The following SH3GL2 variants were observed in gnomAD, a reference collection of about 807,000 sequenced individuals.
SH3GL2 encodes SH3 domain containing GRB2 like 2, endophilin A1.
Under a neutral mutation model 46.0 loss-of-function variants are expected in SH3GL2, and 24 were observed. That is an observed-to-expected ratio of 0.52 (90% CI 0.38 to 0.73). The LOEUF is 0.73. Among genes scored for constraint, SH3GL2 ranks in the 30% least tolerant of loss-of-function variants. The pLI is 0.00. For synonymous variants in SH3GL2, 196 were observed against 147.1 expected, an observed-to-expected ratio of 1.33 and a Z score of -2.40; for missense variants, 413 against 424.2, an observed-to-expected ratio of 0.97 and a Z score of 0.23.
intron 1 of SH3GL2, among the ~76,000 whole-genome samples, chr9:17,612,951 T>C (rs1818902236): frequency 6.6e-6 from 1 of 152,198 alleles, no homozygotes; most frequent in African/African-American, 2.4e-5. Flanking sequence ...ATACAATATA[T>C]GGTCTTTAGT....
chr9:17,670,871 T>C (rs544611139), intron 1 of SH3GL2, among the ~76,000 whole-genome samples: 2 of 152,202 alleles, frequency 1.3e-5, no homozygotes, highest in Non-Finnish European at 2.9e-5. Flanking sequence ...GGAAGGCTTA[T>C]TAAAGCACAG....
chr9:17,793,885 C>T (rs1824201588), intron 8 of SH3GL2, among the ~76,000 whole-genome samples: 1 of 152,200 alleles, frequency 6.6e-6, no homozygotes, highest in Non-Finnish European at 1.5e-5. Flanking sequence ...CAGTGAATGC[C>T]CCTGGACAGT....
At chr9:17,653,809 C>G (rs1449396977) in intron 1 of SH3GL2, 1 of 901,026 alleles carries the variant, frequency 1.1e-6, no homozygotes, top group Non-Finnish European at 1.3e-6. Flanking sequence ...TTGGGCTAGT[C>G]TTATCAAAGA....
Position 17,705,770 on chromosome 9 carries a change from G to A in SH3GL2, c.46-41296G>A, listed in dbSNP as rs533313775. Among the ~76,000 whole-genome samples, 36 of 152,084 alleles carry A rather than the reference G, an allele frequency of 2.4e-4. No individual in the cohort carries two copies. In the East Asian group the frequency reaches 6.6e-3, roughly 28 times the overall value. On this transcript the variant is annotated intron_variant, in intron 1 of 8. Transcript: ENST00000380607. The stretch of plus-strand genomic sequence containing the variant: ...AACATTCAGTACACATGGACACAAA[G>A]AAGGGAACCATAGACATTGGGACCT...
chr9:17,728,355 T>C (rs940635863), intron 1 of SH3GL2, among the ~76,000 whole-genome samples: 12 of 152,168 alleles, frequency 7.9e-5, no homozygotes, highest in Non-Finnish European at 1.5e-4. Context: ...TTTCCTCCAT[T>C]ATTTTGTGCT....
intron 1 of SH3GL2, among the ~76,000 whole-genome samples, chr9:17,705,356 C>T (rs951003553): frequency 5.3e-5 from 8 of 151,978 alleles, no homozygotes; most frequent in Admixed American, 4.6e-4. Flanking sequence ...GAACTTCAAA[C>T]GGAATTACCA....
At chr9:17,776,214 G>T (rs563152186) in intron 3 of SH3GL2, among the ~76,000 whole-genome samples, 1 of 152,086 alleles carries the variant, frequency 6.6e-6, no homozygotes, top group African/African-American at 2.4e-5. Flanking sequence ...GAGTCTGCTG[G>T]TTTCCAGTGT....
rs771135987 is a variant in SH3GL2, at chr9:17,703,565, G to A, written c.46-43501G>A. ...TGCAAAAATCCTCAGGAAAATACTAGCAAACCAAATCCAGTAGCACATCAA... is the reference window on the plus strand; with the variant it reads ...TGCAAAAATCCTCAGGAAAATACTAACAAACCAAATCCAGTAGCACATCAA... On this transcript the variant is annotated intron_variant, in intron 1 of 8. Coordinates refer to ENST00000380607, the MANE Select transcript of SH3GL2 (RefSeq NM_003026.5). Among the ~76,000 whole-genome samples, 25 of 151,940 alleles carry A rather than the reference G, an allele frequency of 1.6e-4. 1 individual carries two copies. Among genetic ancestry groups the A allele is most frequent in the Admixed American group, 7.2e-4 (11 of 15,242 alleles).
intron 1 of SH3GL2, among the ~76,000 whole-genome samples, chr9:17,687,653 T>C (rs1032635002): frequency 1.1e-4 from 17 of 152,204 alleles, no homozygotes; most frequent in African/African-American, 2.9e-4. Flanking sequence ...CTGAAAATCA[T>C]GTTCCCTATA....
intron 1 of SH3GL2, among the ~76,000 whole-genome samples, chr9:17,699,231 C>G (rs114966407): frequency 0.014 from 2,115 of 151,514 alleles, 56 homozygotes; most frequent in African/African-American, 0.048. Context: ...AAATATTCCT[C>G]TCTGTATAAA....
At chr9:17,717,231 TTC>T (rs1227940069) in intron 1 of SH3GL2, among the ~76,000 whole-genome samples, 2 of 152,134 alleles carry the variant, frequency 1.3e-5, no homozygotes, top group Non-Finnish European at 2.9e-5. Context: ...TTTCTGTACA[TTC>T]TCTCTTTTAT....
rs542870762 is a variant in SH3GL2 at position 17,747,693 on chromosome 9, G to T, written c.114+559G>T. 1.3e-4 allele frequency among the ~76,000 whole-genome samples: 20 copies of T among 151,802 alleles called. No homozygotes were observed. In the South Asian group the frequency reaches 4.2e-3, roughly 32 times the overall value. ...TTATTATTATTGTTATTATTTTTTT[G>T]AGATGGAGTCTTGCTCTGTTGCCCA... is the stretch of plus-strand genomic sequence containing the variant. On this transcript the variant is annotated intron_variant, in intron 2 of 8. Coordinates refer to ENST00000380607, the MANE Select transcript of SH3GL2 (RefSeq NM_003026.5).
rs1824114818 is a variant in SH3GL2, at chr9:17,791,144, C to T, written c.625-87C>T. 3 of 895,216 alleles carry T rather than the reference C, an allele frequency of 3.4e-6. No individual in the cohort carries two copies. The Admixed American group carries it at 5.4e-5, about 16-fold the overall frequency. 55.5% of individuals were successfully genotyped at this position (895,216 alleles called of 1,614,324 possible). The stretch of plus-strand genomic sequence containing the variant: ...CCAACCAGGGGCTGTGTGTTGAGGG[C>T]AGCCCTGGTGTATGTATGAAACAGT... On this transcript the variant is annotated intron_variant, in intron 6 of 8. Transcript: ENST00000380607.
chr9:17,780,465 C>T (rs181377752), intron 3 of SH3GL2, among the ~76,000 whole-genome samples: 8 of 135,578 alleles, frequency 5.9e-5, no homozygotes, highest in Admixed American at 3.1e-4. Context: ...TTTTGAATAG[C>T]ACAGTTTTTT....
At chr9:17,677,319 A>G (rs1194732109) in intron 1 of SH3GL2, among the ~76,000 whole-genome samples, 3 of 152,066 alleles carry the variant, frequency 2.0e-5, no homozygotes, top group South Asian at 4.2e-4. Flanking sequence ...TACATACTAC[A>G]TAGATTGGAC....
chr9:17,606,217 C>T (rs562094552), intron 1 of SH3GL2, among the ~76,000 whole-genome samples: 87 of 152,188 alleles, frequency 5.7e-4, no homozygotes, highest in African/African-American at 2.0e-3. Flanking sequence ...CTTAGCCTCC[C>T]GAGTAGCTGG....
Position 17,736,227 on chromosome 9 carries a change from G to A in SH3GL2, c.46-10839G>A, listed in dbSNP as rs187677450. Among the ~76,000 whole-genome samples the A allele has an allele frequency of 8.4e-4, 128 of 152,228 alleles. 1 individual carries two copies. The highest frequency in any genetic ancestry group is 2.8e-3 in the African/African-American group (116 of 41,560). On this transcript the variant is annotated intron_variant, in intron 1 of 8. Coordinates refer to ENST00000380607, the MANE Select transcript of SH3GL2 (RefSeq NM_003026.5). ...ATGTATGGATATGTATGTCTGCCCT[G>A]TCACTGGAAGGCTTTTTAAATTTTT...
chr9:17,699,851 G>T (rs1184596445), intron 1 of SH3GL2, among the ~76,000 whole-genome samples: 1 of 152,180 alleles, frequency 6.6e-6, no homozygotes, highest in African/African-American at 2.4e-5. Flanking sequence ...GTGTCACGTT[G>T]AACACTTTAC....
chr9:17,777,438 G>A (rs1823671640), intron 3 of SH3GL2, among the ~76,000 whole-genome samples: 1 of 152,128 alleles, frequency 6.6e-6, no homozygotes, highest in Non-Finnish European at 1.5e-5. Context: ...AAGTATATGG[G>A]TTGAGTGATA....
Sources: allele counts gnomAD v4.1 joint callset (sites outside exome capture counted in the v4.1 genomes callset), GRCh38; gene constraint gnomAD v4.1.1; transcripts MANE v1.5; gene names NCBI Gene and HGNC (gene_info 2026-07-23, HGNC 2026-07-21).